The following KAT2B variants were observed in gnomAD, a reference collection of about 807,000 sequenced individuals.
The protein encoded by KAT2B is histone acetyltransferase KAT2B.
A neutral mutation model predicts 105.9 loss-of-function variants in KAT2B; 36 were observed. The observed-to-expected ratio is 0.34, with a 90% CI of 0.26 to 0.45. The LOEUF is 0.45. KAT2B is among the 20% of genes least tolerant of loss of function. The pLI is 1.00. For missense variants in KAT2B, 820 were observed against 1,021.6 expected (o/e 0.80, Z 2.69); for synonymous variants, 397 against 377.9 (o/e 1.05, Z -0.59).
intron 2 of KAT2B, among the ~76,000 whole-genome samples, chr3:20,076,607 G>T (rs896372013): frequency 2.0e-5 from 3 of 152,108 alleles, no homozygotes; most frequent in African/African-American, 7.2e-5. Flanking sequence ...GAACTGCCTT[G>T]GACTCAGCAC....
chr3:20,073,975 C>A (rs1427388986), intron 2 of KAT2B, among the ~76,000 whole-genome samples: 1 of 152,188 alleles, frequency 6.6e-6, no homozygotes, highest in African/African-American at 2.4e-5. Context: ...CACATGAATG[C>A]CTGAAGGCAG....
intron 2 of KAT2B, among the ~76,000 whole-genome samples, chr3:20,083,611 G>C (rs1253799751): frequency 6.6e-6 from 1 of 152,174 alleles, no homozygotes; most frequent in Non-Finnish European, 1.5e-5. Flanking sequence ...GTTGTTTAAG[G>C]AAAGTGGTAT....
chr3:20,086,259 T>C (rs939851), intron 2 of KAT2B, among the ~76,000 whole-genome samples: 9,170 of 149,352 alleles, frequency 0.061, 307 homozygotes, highest in Non-Finnish European at 0.077. Context: ...GGTGACAGAG[T>C]GAGACACTGT....
At chr3:20,081,503 G>A (rs1698518475) in intron 2 of KAT2B, among the ~76,000 whole-genome samples, 1 of 152,148 alleles carries the variant, frequency 6.6e-6, no homozygotes, top group South Asian at 2.1e-4. Context: ...GTGATCTAAA[G>A]AAGGCAAAGC....
rs56091316 is a variant in KAT2B at position 20,149,495 on chromosome 3, C to CAAAAAAAAAAAAAAAA, written c.2305+1018_2305+1033dup. Among the ~76,000 whole-genome samples the CAAAAAAAAAAAAAAAA allele has an allele frequency of 1.9e-3, 80 of 42,432 alleles. 6 individuals are homozygous for CAAAAAAAAAAAAAAAA. The highest frequency in any genetic ancestry group is 0.012 in the East Asian group (6 of 510). 27.8% of individuals were successfully genotyped at this position (42,432 alleles called of 152,430 possible). On this transcript the variant is annotated intron_variant, in intron 17 of 17. Coordinates refer to ENST00000263754, the MANE Select transcript of KAT2B (RefSeq NM_003884.5). Reference sequence around the variant, plus strand: ...TGGGCACTGGAGGGAGACCGTATCTCAAAAAAAAAAAAAAAAAAAAAAAAA... The same window carrying CAAAAAAAAAAAAAAAA: ...TGGGCACTGGAGGGAGACCGTATCTCAAAAAAAAAAAAAAAAAAAAAAAAAAAAAAAAAAAAAAAAA...
At chr3:20,072,073 T>A (rs192182532) in intron 1 of KAT2B, among the ~76,000 whole-genome samples, 202 of 152,254 alleles carry the variant, frequency 1.3e-3, no homozygotes, top group African/African-American at 4.5e-3. Context: ...GGGGCAATGG[T>A]AGCAAAGTGT....
At chr3:20,064,604 G>T (rs943736881) in intron 1 of KAT2B, among the ~76,000 whole-genome samples, 1 of 152,164 alleles carries the variant, frequency 6.6e-6, no homozygotes, top group Non-Finnish European at 1.5e-5. Context: ...CCAGTTACCT[G>T]CCTGGACACA....
At chr3:20,062,131 TAAAATATATAATATATA>T (rs1698129239) in intron 1 of KAT2B, among the ~76,000 whole-genome samples, 2 of 75,244 alleles carry the variant, frequency 2.7e-5, no homozygotes, top group South Asian at 9.2e-4. Flanking sequence ...CATATATATA[TAAAATATATAATATATA>T]AAAATATATA....
intron 1 of KAT2B, among the ~76,000 whole-genome samples, chr3:20,049,260 A>G (rs997280507): frequency 4.6e-5 from 7 of 152,206 alleles, no homozygotes; most frequent in African/African-American, 1.7e-4. Context: ...ACTTCAGGAT[A>G]TATGAAAGTT....
At chr3:20,122,230 C>G (rs983522571) in intron 8 of KAT2B, among the ~76,000 whole-genome samples, 2 of 152,092 alleles carry the variant, frequency 1.3e-5, no homozygotes, top group African/African-American at 4.8e-5. Flanking sequence ...CACATTCTTT[C>G]CAAGAAGACA....
chr3:20,117,298 G>A (rs1699223171), intron 7 of KAT2B, among the ~76,000 whole-genome samples: 1 of 152,218 alleles, frequency 6.6e-6, no homozygotes. Context: ...GCCATCAGAA[G>A]TGGGCTGTCT....
In KAT2B at chr3:20,092,385, C is replaced by T. The variant is rs372680812; in HGVS notation, c.431-2878C>T. Among the ~76,000 whole-genome samples, 16 of 151,720 alleles carry T rather than the reference C, an allele frequency of 1.1e-4. No homozygotes were observed. The East Asian group carries it at 2.5e-3, about 24-fold the overall frequency. On this transcript the variant is annotated intron_variant, in intron 2 of 17. Transcript: ENST00000263754. ...CTGGGATTACAAGCATGTGCCGCCA[C>T]ATCCAGCTTATTTTTTGCATTTTCA...
chr3:20,077,399 C>T (rs993597665), intron 2 of KAT2B, among the ~76,000 whole-genome samples: 2 of 152,176 alleles, frequency 1.3e-5, no homozygotes, highest in Non-Finnish European at 2.9e-5. Context: ...TACCAAGTTC[C>T]TTAACCTTTT....
At chr3:20,119,850 A>G (rs1221673401) in intron 8 of KAT2B, 127 bp downstream of exon 8, 2 of 951,698 alleles carry the variant, frequency 2.1e-6, no homozygotes, top group African/African-American at 1.7e-5. Flanking sequence ...ACAGCTAGAA[A>G]TAACTTTGTA....
chr3:20,067,857 T>G (rs954635216), intron 1 of KAT2B, among the ~76,000 whole-genome samples: 1 of 151,840 alleles, frequency 6.6e-6, no homozygotes, highest in African/African-American at 2.4e-5. Flanking sequence ...GTATTTTTAA[T>G]AGAGATGGGG....
chr3:20,129,387 T>TC (rs1458792040), intron 11 of KAT2B, among the ~76,000 whole-genome samples: 1 of 151,568 alleles, frequency 6.6e-6, no homozygotes, highest in African/African-American at 2.4e-5. Flanking sequence ...TTTTTTTTTT[T>TC]TTTTTGAGAC....
intron 2 of KAT2B, among the ~76,000 whole-genome samples, chr3:20,074,992 G>C (rs570628851): frequency 6.6e-6 from 1 of 152,254 alleles, no homozygotes; most frequent in East Asian, 1.9e-4. Flanking sequence ...AAGGCCGGGC[G>C]TGGTGGCTCA....
chr3:20,105,425 A>G (rs966078473), intron 5 of KAT2B, among the ~76,000 whole-genome samples: 1 of 152,166 alleles, frequency 6.6e-6, no homozygotes, highest in Non-Finnish European at 1.5e-5. Flanking sequence ...TAGATTTTGA[A>G]TTGTGTAGAA....
At chr3:20,106,961 G>GTATATATATATATATATA (rs60656536) in intron 5 of KAT2B, among the ~76,000 whole-genome samples, 1 of 69,968 alleles carries the variant, frequency 1.4e-5, no homozygotes, top group Non-Finnish European at 2.6e-5. Flanking sequence ...AATTTTATGT[G>GTATATATATATATATATA]TATATATATA....
Sources: allele counts gnomAD v4.1 joint callset (sites outside exome capture counted in the v4.1 genomes callset), GRCh38; gene constraint gnomAD v4.1.1; transcripts MANE v1.5; gene names NCBI Gene and HGNC (gene_info 2026-07-23, HGNC 2026-07-21).